The following TTLL11 variants were observed in gnomAD, a reference collection of about 807,000 sequenced individuals.
TTLL11 encodes tubulin polyglutamylase TTLL11.
TTLL11 carries 42 observed loss-of-function variants against 51.7 expected under a neutral mutation model. That is an observed-to-expected ratio of 0.81 (90% CI 0.64 to 1.05). The LOEUF is 1.05. Ranked by LOEUF, TTLL11 falls within the 50% of genes least tolerant of loss-of-function variation. The pLI is 0.00. For missense variants in TTLL11, 799 were observed against 940.4 expected (o/e 0.85, Z 1.97); for synonymous variants, 381 against 383.5 (o/e 0.99, Z 0.08).
At chr9:121,973,938 A>T in intron 6 of TTLL11, 71 bp downstream of exon 6, 1 of 1,075,090 alleles carries the variant, frequency 9.3e-7, no homozygotes. Flanking sequence ...CCAAGAACTT[A>T]CCTGCTTAGG....
chr9:122,091,474 C>T (rs989620912), intron 1 of TTLL11, among the ~76,000 whole-genome samples: 8 of 152,204 alleles, frequency 5.3e-5, no homozygotes, highest in Non-Finnish European at 8.8e-5. Context: ...ACTTCCCCAA[C>T]GGCTACACCC....
intron 4 of TTLL11, among the ~76,000 whole-genome samples, chr9:121,985,815 C>G (rs1001793330): frequency 3.8e-4 from 58 of 152,248 alleles, no homozygotes; most frequent in African/African-American, 1.3e-3. Context: ...CCACCGCGCC[C>G]GGCCCAAGGA....
intron 3 of TTLL11, among the ~76,000 whole-genome samples, chr9:122,025,716 A>C (rs1328078579): frequency 6.6e-6 from 1 of 152,230 alleles, no homozygotes; most frequent in African/African-American, 2.4e-5. Flanking sequence ...ATAAAATGAC[A>C]CAACTACTTT....
rs188325902 is a variant in TTLL11 at position 121,985,718 on chromosome 9, C to T, written c.1269+3477G>A. Among the ~76,000 whole-genome samples, 806 of 152,064 alleles carry T rather than the reference C, an allele frequency of 5.3e-3. 7 individuals carry two copies. The highest frequency in any genetic ancestry group is 0.011 in the South Asian group (54 of 4,808). ...ATTTTTTTTAGTAAAGATGGGGTTT[C>T]ACCATGTTAGCCAGGATGGACTCGA... On this transcript the variant is annotated intron_variant, in intron 4 of 8. Transcript: ENST00000321582.
chr9:121,938,866 A>G (rs992137822), intron 6 of TTLL11, among the ~76,000 whole-genome samples: 4 of 152,200 alleles, frequency 2.6e-5, no homozygotes, highest in Non-Finnish European at 2.9e-5. Context: ...GGTTAGTACA[A>G]TCGCTCTGGG....
intron 4 of TTLL11, chr9:121,988,855 G>T: frequency 2.3e-6 from 1 of 433,118 alleles, no homozygotes; most frequent in Non-Finnish European, 4.0e-6. Context: ...GGCAAAGGTT[G>T]TTGAATGAGT....
intron 8 of TTLL11, among the ~76,000 whole-genome samples, chr9:121,855,001 T>C (rs1837771678): frequency 6.6e-6 from 1 of 152,224 alleles, no homozygotes; most frequent in Non-Finnish European, 1.5e-5. Flanking sequence ...CATCCAGCTC[T>C]TGAAGAGCCA....
At chr9:122,024,757 C>T (rs1475177781) in intron 3 of TTLL11, among the ~76,000 whole-genome samples, 1 of 152,154 alleles carries the variant, frequency 6.6e-6, no homozygotes, top group Non-Finnish European at 1.5e-5. Flanking sequence ...CCATACCTTA[C>T]ACCATATACA....
chr9:122,042,216 T>C (rs927725554), intron 1 of TTLL11, among the ~76,000 whole-genome samples: 1 of 152,194 alleles, frequency 6.6e-6, no homozygotes, highest in Non-Finnish European at 1.5e-5. Context: ...GGTTTTGCCA[T>C]GTTGGCCAGT....
chr9:122,009,593 C>A (rs1207233987), intron 3 of TTLL11, among the ~76,000 whole-genome samples: 1 of 151,136 alleles, frequency 6.6e-6, no homozygotes, highest in Non-Finnish European at 1.5e-5. Context: ...TATATAAACA[C>A]TATATATAAG....
At chr9:122,045,666 G>A (rs1361417336) in intron 1 of TTLL11, among the ~76,000 whole-genome samples, 1 of 152,138 alleles carries the variant, frequency 6.6e-6, no homozygotes, top group Non-Finnish European at 1.5e-5. Flanking sequence ...GTCCATTAGT[G>A]GATGAAGAAA....
chr9:122,069,999 A>G (rs1845688108), intron 1 of TTLL11, among the ~76,000 whole-genome samples: 1 of 151,612 alleles, frequency 6.6e-6, no homozygotes, highest in East Asian at 1.9e-4. Flanking sequence ...TCACACACAC[A>G]CACACACACA....
intron 1 of TTLL11, among the ~76,000 whole-genome samples, chr9:122,082,091 C>T (rs1028912973): frequency 3.9e-5 from 6 of 152,216 alleles, no homozygotes; most frequent in African/African-American, 1.2e-4. Flanking sequence ...AACAGGCAGT[C>T]TCAAACCCTG....
In TTLL11 at chr9:122,034,781, G is replaced by A. The variant is rs566062585; in HGVS notation, c.560-2925C>T. The stretch of plus-strand genomic sequence containing the variant: ...GTTCCCAGAGTAAATCTGTGAGAAG[G>A]AAGGTCATGGCCAGCTCTGCTGACT... On this transcript the variant is annotated intron_variant, in intron 2 of 8. Coordinates refer to ENST00000321582, the MANE Select transcript of TTLL11 (RefSeq NM_001139442.2). Among the ~76,000 whole-genome samples the A allele has an allele frequency of 3.0e-4, 45 of 152,284 alleles. 1 individual carries two copies. In the South Asian group the frequency reaches 3.5e-3, roughly 12 times the overall value.
At chr9:121,895,609 GTC>G (rs1839450938) in intron 6 of TTLL11, among the ~76,000 whole-genome samples, 1 of 151,286 alleles carries the variant, frequency 6.6e-6, no homozygotes, top group South Asian at 2.1e-4. Context: ...GTGTATGTGT[GTC>G]TGTGTGAACA....
chr9:121,989,536 AG>A lies in TTLL11; in HGVS notation c.927del (p.Leu310Ter). Reference sequence around the variant, plus strand: ...CCGTCTTTGGCTATATAAATCTCTAAGGGGTCTAAGGACTTGAGTAAGACAT... The same window carrying A: ...CCGTCTTTGGCTATATAAATCTCTAAGGGTCTAAGGACTTGAGTAAGACAT... ...RLYVLLKSLD[P>X]LEIYIAKDGL... On this transcript the variant is annotated frameshift_variant, in exon 4 of 9. Transcript: ENST00000321582. LOFTEE classifies it high-confidence loss of function. The surrounding 1 kb of genome is among the most constrained non-coding windows in gnomAD (Gnocchi z 4.2). The A allele has an allele frequency of 1.2e-6, 2 of 1,614,096 alleles. No individual in the cohort carries two copies. Among genetic ancestry groups the A allele is most frequent in the Non-Finnish European group, 8.5e-7 (1 of 1,180,022 alleles).
chr9:122,079,199 T>G (rs941696621), intron 1 of TTLL11, among the ~76,000 whole-genome samples: 2 of 152,168 alleles, frequency 1.3e-5, no homozygotes, highest in African/African-American at 4.8e-5. Flanking sequence ...ACCAAGAGTG[T>G]ATGAGGGTTC....
intron 8 of TTLL11, among the ~76,000 whole-genome samples, chr9:121,847,078 C>G (rs543986785): frequency 1.3e-5 from 2 of 151,978 alleles, no homozygotes; most frequent in East Asian, 3.9e-4. Flanking sequence ...GGCGTGGTGG[C>G]TGGCGCCTAT....
rs1013474642 is a variant in TTLL11, at chr9:121,916,275, C to T, written c.1482-45527G>A. ...ATGCATGAATCATACATAGTGTGAT[C>T]CTGTTTTTGTAAAAATTACTACAAC... On this transcript the variant is annotated intron_variant, in intron 6 of 8. Coordinates refer to ENST00000321582, the MANE Select transcript of TTLL11 (RefSeq NM_001139442.2). 2.3e-4 allele frequency among the ~76,000 whole-genome samples: 35 copies of T among 152,198 alleles called. 2 individuals carry two copies. The highest frequency in any genetic ancestry group is 2.1e-3 in the Admixed American group (32 of 15,286).
Sources: gnomAD v4.1 joint callset for allele counts (sites outside exome capture counted in the v4.1 genomes callset) on GRCh38, gnomAD v4.1.1 for gene constraint, Gnocchi (gnomAD v3.1) non-coding constraint, MANE v1.5 for transcripts, NCBI Gene and HGNC (gene_info 2026-07-23, HGNC 2026-07-21) for gene names.